Variants in STK3 observed in about 807,000 individuals in gnomAD.
STK3 encodes serine/threonine kinase 3, also known as serine/threonine-protein kinase 3.
STK3 carries 41 observed loss-of-function variants against 58.0 expected under a neutral mutation model. The observed-to-expected ratio is 0.71, with a 90% confidence interval of 0.55 to 0.92. The LOEUF (loss-of-function observed/expected upper bound fraction) is 0.92, where lower values mean the gene tolerates loss of function less well. Ranked by LOEUF, STK3 falls within the 40% of genes least tolerant of loss-of-function variation. STK3 has a pLI of 0.00. For synonymous variants in STK3, 170 were observed against 191.0 expected, an observed-to-expected ratio of 0.89 and a Z score of 0.91; for missense variants, 479 against 602.7, an observed-to-expected ratio of 0.79 and a Z score of 2.15.
intron 3 of STK3, chr8:98,430,733 G>T (rs1282609381): frequency 6.0e-6 from 1 of 167,066 alleles, no homozygotes; most frequent in Non-Finnish European, 1.5e-5. Context: ...TTTCATGGGG[G>T]GTGACTGGGT....
chr8:98,621,215 C>T (rs1028749532), intron 6 of STK3, among the ~76,000 whole-genome samples: 8 of 152,242 alleles, frequency 5.3e-5, no homozygotes, highest in Admixed American at 3.9e-4. Context: ...GCTGGGATTA[C>T]AGGCATGAGC....
intron 9 of STK3, among the ~76,000 whole-genome samples, chr8:98,530,324 C>G (rs71514993): frequency 6.6e-6 from 1 of 152,164 alleles, no homozygotes; most frequent in Non-Finnish European, 1.5e-5. Context: ...CCTCCACTCT[C>G]TGAAAAGTCC....
intron 3 of STK3, among the ~76,000 whole-genome samples, chr8:98,832,636 C>A (rs905639018): frequency 6.6e-6 from 1 of 152,036 alleles, no homozygotes; most frequent in Admixed American, 6.6e-5. Context: ...TATGTCTGAC[C>A]GCCTATCCTG....
chr8:98,429,702 A>C, intron 3 of STK3: 1 of 385,200 alleles, frequency 2.6e-6, no homozygotes. Context: ...CAGAATGCTA[A>C]TTTTTCTGTC....
At position 98,695,768 on chromosome 8, in the gene STK3, G is replaced by A. The variant is rs576010747; in HGVS notation, c.684+10699C>T. Among the ~76,000 whole-genome samples the A allele has an allele frequency of 4.6e-5, 7 of 152,204 alleles. No individual in the cohort carries two copies. The South Asian group carries it at 8.3e-4, about 18-fold the overall frequency. On this transcript the variant is annotated intron_variant, in intron 6 of 10. Transcript: ENST00000419617. ...CCAGTACCATGCTGTTTTGGTTACT[G>A]TAGCCTTGTAGTTTGAAGTCAGGTA... is the stretch of plus-strand genomic sequence containing the variant.
rs570895677 is a variant in STK3 at position 98,892,039 on chromosome 8, A to G, written c.-78-8205T>C. On this transcript the variant is annotated intron_variant, in intron 1 of 1. Coordinates refer to the STK3 transcript ENST00000519420. ...ATCTGGGGTAGGCAGCTGTTTGCAT[A>G]ATGTGATTTTAAGTGTGACAAGCAC... Among the ~76,000 whole-genome samples, 5 of 152,262 alleles carry G rather than the reference A, an allele frequency of 3.3e-5. No individual in the cohort carries two copies. In the South Asian group the frequency reaches 1.0e-3, roughly 32 times the overall value.
chr8:98,714,982 TC>T (rs1287496892), intron 4 of STK3, among the ~76,000 whole-genome samples: 1 of 152,028 alleles, frequency 6.6e-6, no homozygotes, highest in Non-Finnish European at 1.5e-5. Context: ...ATGCCGCATA[TC>T]TACAACTACC....
At chr8:98,806,275 G>A (rs1465861449) in intron 1 of STK3, among the ~76,000 whole-genome samples, 2 of 151,832 alleles carry the variant, frequency 1.3e-5, no homozygotes, top group Non-Finnish European at 2.9e-5. Flanking sequence ...AAATGTCTGT[G>A]ACTTAAAACA....
At chr8:98,788,439 G>GA (rs1171091220) in intron 1 of STK3, among the ~76,000 whole-genome samples, 3 of 149,452 alleles carry the variant, frequency 2.0e-5, no homozygotes, top group East Asian at 2.0e-4. Context: ...CTCCATCTCA[G>GA]AAAAAACAAA....
chr8:98,420,855 G>C (rs1455157717), intron 3 of STK3, among the ~76,000 whole-genome samples: 2 of 152,240 alleles, frequency 1.3e-5, no homozygotes, highest in African/African-American at 2.4e-5. Flanking sequence ...TCAGGCCTTG[G>C]TATATAGCTC....
chr8:98,598,423 C>T, intron 6 of STK3: 1 of 980,270 alleles, frequency 1.0e-6, no homozygotes, highest in Non-Finnish European at 1.2e-6. Context: ...ACAGTCCAAA[C>T]AAATAAGTCT....
intron 1 of STK3, among the ~76,000 whole-genome samples, chr8:98,785,554 T>C (rs1200215512): frequency 2.0e-5 from 3 of 152,280 alleles, no homozygotes; most frequent in East Asian, 1.9e-4. Context: ...TCTTTCCCTC[T>C]GCCCCCTCAG....
chr8:98,704,878 T>G (rs966510952), intron 6 of STK3, among the ~76,000 whole-genome samples: 10 of 152,274 alleles, frequency 6.6e-5, no homozygotes, highest in African/African-American at 1.9e-4. Context: ...CTAGGTTGCC[T>G]TGGGTAATTT....
chr8:98,695,398 G>A (rs1425271691), intron 6 of STK3, among the ~76,000 whole-genome samples: 2 of 152,096 alleles, frequency 1.3e-5, no homozygotes, highest in African/African-American at 2.4e-5. Flanking sequence ...TGCTTTTGGT[G>A]TTTTAGACAT....
intron 4 of STK3, among the ~76,000 whole-genome samples, chr8:98,715,330 T>C (rs1457708323): frequency 1.3e-5 from 2 of 151,698 alleles, no homozygotes; most frequent in Admixed American, 6.6e-5. Context: ...GAAACTACCA[T>C]CAGAGTGAAC....
intron 1 of STK3, among the ~76,000 whole-genome samples, chr8:98,928,284 A>C (rs1321871605): frequency 6.6e-6 from 1 of 152,244 alleles, no homozygotes; most frequent in Non-Finnish European, 1.5e-5. Context: ...ATGCAAGGCT[A>C]TCACCTCACC....
chr8:98,492,336 C>G (rs1822761559), intron 10 of STK3, among the ~76,000 whole-genome samples: 1 of 152,056 alleles, frequency 6.6e-6, no homozygotes, highest in Non-Finnish European at 1.5e-5. Flanking sequence ...TCTGGGCAGG[C>G]AGGATTTAAA....
intron 1 of STK3, among the ~76,000 whole-genome samples, chr8:98,449,062 A>G (rs938829124): frequency 6.6e-6 from 1 of 152,136 alleles, no homozygotes; most frequent in African/African-American, 2.4e-5. Context: ...GGTTGTGAGG[A>G]CAGGAGGTGT....
chr8:98,437,273 GAGACATT>G (rs1818525140), intron 1 of STK3: 1 of 152,386 alleles, frequency 6.6e-6, no homozygotes, highest in African/African-American at 2.4e-5. Context: ...ACAGGCAGAA[GAGACATT>G]AGAGCTTTGT....
Sources: gnomAD v4.1 joint callset for allele counts (sites outside exome capture counted in the v4.1 genomes callset) on GRCh38, gnomAD v4.1.1 for gene constraint, MANE v1.5 for transcripts, NCBI Gene and HGNC (gene_info 2026-07-23, HGNC 2026-07-21) for gene names.